ARSG: variants seen among roughly 807,000 people sequenced by gnomAD.
ARSG encodes arylsulfatase G, also known as ASG.
Under a neutral mutation model 50.5 loss-of-function variants are expected in ARSG, and 37 were observed. That is an observed-to-expected ratio of 0.73 (90% CI 0.56 to 0.96). The LOEUF (loss-of-function observed/expected upper bound fraction) is 0.96. Among genes scored for constraint, ARSG ranks in the 50% least tolerant of loss-of-function variants. The probability of loss-of-function intolerance (pLI) is 0.00; values close to 1 mark genes in which losing one functional copy is unlikely to be tolerated. For synonymous variants in ARSG, 225 were observed against 254.6 expected (o/e 0.88, Z 1.11); for missense variants, 629 against 675.3 (o/e 0.93, Z 0.76).
intron 2 of ARSG, among the ~76,000 whole-genome samples, chr17:68,318,101 GAAA>G (rs57091246): frequency 2.5e-3 from 365 of 147,510 alleles, no homozygotes; most frequent in African/African-American, 6.0e-3. Flanking sequence ...CTCTGTCTTG[GAAA>G]AAAAAAAAAA....
chr17:68,331,233 G>GTTTCTTTCTTTCTTTCTTTCTTTC (rs869049629), intron 2 of ARSG, among the ~76,000 whole-genome samples: 46 of 85,042 alleles, frequency 5.4e-4, no homozygotes, highest in African/African-American at 2.4e-3. Context: ...TTCTTTCTTT[G>GTTTCTTTCTTTCTTTCTTTCTTTC]TTTCTTTCTT....
intron 6 of ARSG, among the ~76,000 whole-genome samples, chr17:68,362,549 A>T (rs961245173): frequency 6.6e-6 from 1 of 151,890 alleles, no homozygotes; most frequent in Non-Finnish European, 1.5e-5. Flanking sequence ...TTCCACAGCA[A>T]CTTGTATTTC....
In ARSG at chr17:68,385,133, G is replaced by A. The variant is rs759582671; in HGVS notation, c.1052G>A (p.Gly351Asp). The change falls in exon 9 of 12, where the codon GGC becomes GAC. Residue 351 changes from glycine (G) to aspartate (D), a missense_variant. Physicochemically the swap from Gly to Asp is moderately conservative, Grantham distance 94. Coordinates refer to ENST00000621439, the MANE Select transcript of ARSG (RefSeq NM_001267727.2). ...GTCCCAGCACTGGCTTACTGGCCTG[G>A]CAGAGTTCCAGTTAATGTCACCAGC... ...HRVPALAYWP[G>D]RVPVNVTSTA... The A allele has an allele frequency of 3.1e-6, 5 of 1,613,922 alleles. No homozygotes were observed. The East Asian group carries it at 1.1e-4, about 36-fold the overall frequency.
intron 8 of ARSG, among the ~76,000 whole-genome samples, chr17:68,380,919 G>A (rs945711481): frequency 6.6e-6 from 1 of 152,096 alleles, no homozygotes; most frequent in African/African-American, 2.4e-5. Flanking sequence ...GCCCCCAAAG[G>A]CATCATCCTA....
intron 11 of ARSG, chr17:68,414,326 A>G (rs145236070): frequency 1.7e-3 from 256 of 152,276 alleles, no homozygotes; most frequent in African/African-American, 5.9e-3. Context: ...ATTTATTGAC[A>G]TATCACATTT....
intron 2 of ARSG, among the ~76,000 whole-genome samples, chr17:68,325,295 G>A (rs976713580): frequency 1.3e-5 from 2 of 151,958 alleles, no homozygotes; most frequent in Admixed American, 6.6e-5. Flanking sequence ...AGAATCTAAT[G>A]CCTGATGATC....
Position 68,352,113 on chromosome 17 carries a change from GACA to G in ARSG, c.566+428_566+430del, listed in dbSNP as rs796965959. On this transcript the variant is annotated intron_variant, in intron 5 of 11. Transcript: ENST00000621439. ...GGAGAGAGAGAGAGAGAGAGAGAGA[GACA>G]GAGGAGAGAGAGAGAGAGAGACAGA... is the stretch of plus-strand genomic sequence containing the variant. Among the ~76,000 whole-genome samples, 822 of 100,090 alleles carry G rather than the reference GACA, an allele frequency of 8.2e-3. 46 individuals carry two copies. Among genetic ancestry groups the G allele is most frequent in the Admixed American group, 0.044 (389 of 8,880 alleles). The allele number at this position is 100,090 out of a possible 152,430, so 65.7% of individuals were successfully genotyped here.
intron 4 of ARSG, among the ~76,000 whole-genome samples, chr17:68,351,047 G>A (rs1047557209): frequency 3.3e-5 from 5 of 151,926 alleles, no homozygotes; most frequent in South Asian, 2.1e-4. Flanking sequence ...CATCTCTATC[G>A]GGGGTAACTT....
At position 68,379,421 on chromosome 17, in the gene ARSG, ATTTT is replaced by A. The variant is rs375841879; in HGVS notation, c.983-5617_983-5614del. ...GTGCCACCATGCCTGGAACACTACA[ATTTT>A]TTTTTTTTTTTTTTTTTTTTTTTTT... On this transcript the variant is annotated intron_variant, in intron 8 of 11. Transcript: ENST00000621439. Among the ~76,000 whole-genome samples, 601 of 72,234 alleles carry A rather than the reference ATTTT, an allele frequency of 8.3e-3. 10 individuals carry two copies. The highest frequency in any genetic ancestry group is 0.036 in the African/African-American group (564 of 15,796). The allele number at this position is 72,234 out of a possible 152,430, so 47.4% of individuals were successfully genotyped here. A position where few individuals can be genotyped will look rare whatever the true frequency, so the allele number is the denominator to read the frequency against.
At chr17:68,445,006 T>C in the ARSG span, among the ~76,000 whole-genome samples, 1 of 148,246 alleles carries the variant, frequency 6.7e-6, no homozygotes, top group African/African-American at 2.5e-5. Flanking sequence ...CTGCAACCTC[T>C]GCCTCCAGGG....
At chr17:68,423,872 C>T (rs930081904), downstream of ARSG, among the ~76,000 whole-genome samples, 4 of 152,120 alleles carry the variant, frequency 2.6e-5, no homozygotes, top group African/African-American at 7.2e-5. This position sits in a 1 kb window ranked among gnomAD's most constrained non-coding sequence, Gnocchi z 4.4. Flanking sequence ...AGGCTTACTG[C>T]GATTACAATT....
chr17:68,350,859 G>A (rs1231186824), intron 4 of ARSG, among the ~76,000 whole-genome samples: 2 of 151,612 alleles, frequency 1.3e-5, no homozygotes, highest in African/African-American at 4.8e-5. Context: ...ATAGAAGGAA[G>A]GAGGAACTCA....
the ARSG span, chr17:68,444,616 A>G: frequency 6.3e-7 from 1 of 1,592,098 alleles, no homozygotes. Flanking sequence ...TTATCAGTCT[A>G]CCGAACCGTT....
chr17:68,319,649 A>G, intron 2 of ARSG, among the ~76,000 whole-genome samples: 1 of 152,194 alleles, frequency 6.6e-6, no homozygotes, highest in Non-Finnish European at 1.5e-5. Flanking sequence ...CCTCCCAAAT[A>G]CAGTCATTCA....
intron 1 of ARSG, among the ~76,000 whole-genome samples, chr17:68,299,306 T>C (rs905797414): frequency 6.6e-6 from 1 of 151,996 alleles, no homozygotes; most frequent in East Asian, 1.9e-4. Context: ...GGTTTCACCA[T>C]GTTGACCAGG....
the ARSG span, among the ~76,000 whole-genome samples, chr17:68,431,234 A>AC: frequency 6.6e-6 from 1 of 152,150 alleles, no homozygotes; most frequent in Non-Finnish European, 1.5e-5. Flanking sequence ...CTAGTCCAGG[A>AC]CCACAGAGGA....
At chr17:68,274,144 C>A in intron 1 of ARSG, 1 of 1,487,156 alleles carries the variant, frequency 6.7e-7, no homozygotes, top group Non-Finnish European at 9.2e-7. Context: ...CTCCTTCCTC[C>A]ACGTCTTGCA....
chr17:68,422,885 A>G (rs1224179095), downstream of ARSG, among the ~76,000 whole-genome samples: 1 of 152,106 alleles, frequency 6.6e-6, no homozygotes, highest in African/African-American at 2.4e-5. Flanking sequence ...CATCCTCCCG[A>G]ATGTAGCAGC....
the ARSG span, among the ~76,000 whole-genome samples, chr17:68,430,462 A>G: frequency 6.6e-6 from 1 of 152,342 alleles, no homozygotes; most frequent in East Asian, 1.9e-4. Flanking sequence ...CTAGATTTCC[A>G]GAAGAGAGTT....
Sources: allele counts gnomAD v4.1 joint callset (sites outside exome capture counted in the v4.1 genomes callset), GRCh38; gene constraint gnomAD v4.1.1; non-coding constraint Gnocchi (gnomAD v3.1); transcripts MANE v1.5; gene names NCBI Gene and HGNC (gene_info 2026-07-23, HGNC 2026-07-21).